The following ELOVL5 variants were observed in gnomAD, a reference collection of about 807,000 sequenced individuals.
ELOVL5 encodes ELOVL fatty acid elongase 5, also known as very long chain fatty acid elongase 5.
In ELOVL5, 8 loss-of-function variants were observed where a neutral mutation model predicts 38.6. The observed-to-expected ratio is 0.21, with a 90% CI of 0.12 to 0.37. ELOVL5 has a LOEUF of 0.37. Ranked by LOEUF, ELOVL5 falls within the 10% of genes least tolerant of loss-of-function variation. The probability of loss-of-function intolerance (pLI) is 1.00; values close to 1 mark genes in which losing one functional copy is unlikely to be tolerated. For synonymous variants in ELOVL5, 127 were observed against 133.7 expected, an observed-to-expected ratio of 0.95 and a Z score of 0.34; for missense variants, 280 against 367.8, an observed-to-expected ratio of 0.76 and a Z score of 1.95.
At chr6:53,322,898 T>C (rs773513795) in intron 1 of ELOVL5, among the ~76,000 whole-genome samples, 1 of 152,246 alleles carries the variant, frequency 6.6e-6, no homozygotes, top group Non-Finnish European at 1.5e-5. Flanking sequence ...ATATTCTTCC[T>C]TTATTGAGTC....
At chr6:53,308,750 C>A (rs998283810) in intron 1 of ELOVL5, among the ~76,000 whole-genome samples, 3 of 151,988 alleles carry the variant, frequency 2.0e-5, no homozygotes, top group African/African-American at 7.3e-5. Flanking sequence ...CAGACGGTAT[C>A]CATACACTGT....
intron 1 of ELOVL5, among the ~76,000 whole-genome samples, chr6:53,339,439 T>C (rs1006722053): frequency 6.6e-5 from 10 of 152,238 alleles, no homozygotes; most frequent in African/African-American, 2.2e-4. Context: ...CTGAACACCA[T>C]GGCCCAGCAC....
chr6:53,327,694 A>T (rs1233388750), intron 1 of ELOVL5, among the ~76,000 whole-genome samples: 29 of 152,332 alleles, frequency 1.9e-4, no homozygotes, highest in East Asian at 1.9e-4. Flanking sequence ...TTACACTTCA[A>T]TTGAAAAATT....
intron 1 of ELOVL5, among the ~76,000 whole-genome samples, chr6:53,322,079 T>A (rs1581977688): frequency 6.6e-6 from 1 of 152,190 alleles, no homozygotes; most frequent in East Asian, 1.9e-4. Flanking sequence ...ACAACAGCAA[T>A]CCTTGAGAAC....
At chr6:53,338,645 T>G (rs537513497) in intron 1 of ELOVL5, among the ~76,000 whole-genome samples, 1 of 152,320 alleles carries the variant, frequency 6.6e-6, no homozygotes, top group South Asian at 2.1e-4. Context: ...TTAAGCAGTC[T>G]GGGCTCTACT....
rs186856184 is a variant in ELOVL5 at position 53,314,266 on chromosome 6, C to T, written c.-8-18559G>A. Among the ~76,000 whole-genome samples the T allele has an allele frequency of 2.0e-5, 3 of 152,182 alleles. No individual in the cohort carries two copies. The South Asian group carries it at 6.2e-4, about 31-fold the overall frequency. ...ATTCTCTGCAAGTACCAAAATTCAA[C>T]TCTAGGCTGTCATAGAGCCATTTAG... On this transcript the variant is annotated intron_variant, in intron 1 of 7. Coordinates refer to ENST00000304434, the MANE Select transcript of ELOVL5 (RefSeq NM_021814.5).
chr6:53,300,472 A>AC (rs940507938), intron 1 of ELOVL5, among the ~76,000 whole-genome samples: 2 of 152,036 alleles, frequency 1.3e-5, no homozygotes, highest in African/African-American at 4.8e-5. Flanking sequence ...GTTAGCAAAA[A>AC]AAATAAAGCA....
chr6:53,295,963 C>A (rs771397991), intron 1 of ELOVL5, among the ~76,000 whole-genome samples: 25 of 151,942 alleles, frequency 1.6e-4, no homozygotes, highest in Non-Finnish European at 3.4e-4. Flanking sequence ...TTTCTTAGTT[C>A]CATAAAAACT....
intron 1 of ELOVL5, among the ~76,000 whole-genome samples, chr6:53,297,951 C>T (rs1767081049): frequency 6.6e-6 from 1 of 152,134 alleles, no homozygotes; most frequent in Non-Finnish European, 1.5e-5. Flanking sequence ...CTCTTTAAAA[C>T]ACAGTTAAAT....
At chr6:53,335,899 C>T (rs780078063) in intron 1 of ELOVL5, among the ~76,000 whole-genome samples, 8 of 152,152 alleles carry the variant, frequency 5.3e-5, no homozygotes, top group African/African-American at 9.7e-5. Flanking sequence ...TCCTGCTGCT[C>T]GGAAGACTGA....
chr6:53,294,004 A>G, intron 2 of ELOVL5: 1 of 913,642 alleles, frequency 1.1e-6, no homozygotes, highest in Non-Finnish European at 1.4e-6. Flanking sequence ...TAAGAAAACC[A>G]GTTCCCACTT....
chr6:53,308,235 C>T (rs9463902), intron 1 of ELOVL5, among the ~76,000 whole-genome samples: 3,182 of 152,246 alleles, frequency 0.021, 126 homozygotes, highest in African/African-American at 0.073. Context: ...TTTTCATACT[C>T]TTCATCATCA....
chr6:53,311,803 T>C (rs996366403), intron 1 of ELOVL5, among the ~76,000 whole-genome samples: 8 of 152,162 alleles, frequency 5.3e-5, no homozygotes, highest in Non-Finnish European at 1.0e-4. Context: ...TGCCAGGGGC[T>C]GGGGAAACGA....
In ELOVL5 at chr6:53,268,595, G is replaced by A. The variant is rs139081058; in HGVS notation, c.*532C>T. 1.1e-4 allele frequency: 17 copies of A among 152,762 alleles called. No individual in the cohort carries two copies. The highest frequency in any genetic ancestry group is 4.1e-4 in the African/African-American group (17 of 41,568). 9.5% of individuals were successfully genotyped at this position (152,762 alleles called of 1,614,324 possible). A position where few individuals can be genotyped will look rare whatever the true frequency, so the allele number is the denominator to read the frequency against. ...AGTCACTGGAAATTATGTCACATTA[G>A]TTTCATAAATCATGGTCTTTGATTT... On this transcript the variant is annotated 3_prime_UTR_variant, in exon 8 of 8. Coordinates refer to ENST00000304434, the MANE Select transcript of ELOVL5 (RefSeq NM_021814.5).
chr6:53,346,601 A>G (rs968431529), intron 1 of ELOVL5, among the ~76,000 whole-genome samples: 3 of 149,220 alleles, frequency 2.0e-5, no homozygotes, highest in Non-Finnish European at 4.5e-5. Context: ...AGGAGGAATT[A>G]AAAAAAAAAA....
intron 3 of ELOVL5, among the ~76,000 whole-genome samples, chr6:53,286,150 G>C (rs958301218): frequency 6.6e-6 from 1 of 152,102 alleles, no homozygotes; most frequent in African/African-American, 2.4e-5. Context: ...AAAGACAAGA[G>C]ACTGTCGGAT....
intron 5 of ELOVL5, 59 bp from the exon 6 acceptor site, chr6:53,273,403 G>T: frequency 1.4e-6 from 2 of 1,415,840 alleles, no homozygotes; most frequent in Non-Finnish European, 9.5e-7. Flanking sequence ...CAGAACAGGT[G>T]GTAAAAAAAA....
At chr6:53,281,805 C>T (rs1015581567) in intron 3 of ELOVL5, among the ~76,000 whole-genome samples, 2 of 145,346 alleles carry the variant, frequency 1.4e-5, no homozygotes, top group Non-Finnish European at 3.0e-5. Context: ...AATTTCACAC[C>T]CATGACCTCC....
chr6:53,298,720 G>GGCACT (rs1767122215), intron 1 of ELOVL5, among the ~76,000 whole-genome samples: 1 of 152,060 alleles, frequency 6.6e-6, no homozygotes, highest in Non-Finnish European at 1.5e-5. Flanking sequence ...TCTCGGCAGG[G>GGCACT]GCACTGCTGG....
Sources: gnomAD v4.1 joint callset for allele counts (sites outside exome capture counted in the v4.1 genomes callset) on GRCh38, gnomAD v4.1.1 for gene constraint, MANE v1.5 for transcripts, NCBI Gene and HGNC (gene_info 2026-07-23, HGNC 2026-07-21) for gene names.